The following EIF4E3 variants were observed in gnomAD, a reference collection of about 807,000 sequenced individuals.
EIF4E3 encodes the protein eukaryotic translation initiation factor 4E type 3.
Under a neutral mutation model 31.7 loss-of-function variants are expected in EIF4E3, and 26 were observed. That is an observed-to-expected ratio of 0.82 (90% CI 0.60 to 1.14). EIF4E3 has a LOEUF of 1.14. EIF4E3 is among the 50% of genes most tolerant of loss of function. EIF4E3 has a pLI of 0.00. For missense variants in EIF4E3, 304 were observed against 270.9 expected (o/e 1.12, Z -0.86); for synonymous variants, 128 against 107.7 (o/e 1.19, Z -1.17).
chr3:71,729,685 A>G (rs1178895235), upstream of EIF4E3, among the ~76,000 whole-genome samples: 2 of 152,132 alleles, frequency 1.3e-5, no homozygotes, highest in African/African-American at 2.4e-5. Context: ...TCCACACTCA[A>G]TAAATATTTG....
Position 71,681,958 on chromosome 3 carries a change from A to T in EIF4E3, c.*2724T>A, listed in dbSNP as rs1381900521. ...AACAGCAATATTATATTAAATGTAC[A>T]TGTTTGCAGTAAATTACACCCTCAT... On this transcript the variant is annotated 3_prime_UTR_variant, in exon 7 of 7. Coordinates refer to ENST00000425534, the MANE Select transcript of EIF4E3 (RefSeq NM_001134651.2). 1.3e-5 allele frequency: 2 copies of T among 152,202 alleles called. No homozygotes were observed. Among genetic ancestry groups the T allele is most frequent in the African/African-American group, 4.8e-5 (2 of 41,432 alleles). The allele number at this position is 152,202 out of a possible 1,614,324, so 9.4% of individuals were successfully genotyped here.
At chr3:71,703,534 G>T (rs1339900638) in intron 2 of EIF4E3, among the ~76,000 whole-genome samples, 6 of 152,150 alleles carry the variant, frequency 3.9e-5, no homozygotes, top group Non-Finnish European at 1.5e-5. Flanking sequence ...AGTATGGTTA[G>T]ACCCATTAAT....
chr3:71,713,422 G>C (rs1381856926), intron 1 of EIF4E3, among the ~76,000 whole-genome samples: 1 of 151,994 alleles, frequency 6.6e-6, no homozygotes, highest in African/African-American at 2.4e-5. Flanking sequence ...CACCATTTTT[G>C]CTGAATCCCA....
At position 71,683,394 on chromosome 3, in the gene EIF4E3, A is replaced by C. The variant is rs1447649678; in HGVS notation, c.*1288T>G. 2 of 152,174 alleles carry C rather than the reference A, an allele frequency of 1.3e-5. No individual in the cohort carries two copies. The highest frequency in any genetic ancestry group is 4.8e-5 in the African/African-American group (2 of 41,418). The allele number at this position is 152,174 out of a possible 1,614,324, so 9.4% of individuals were successfully genotyped here. On this transcript the variant is annotated 3_prime_UTR_variant, in exon 7 of 7. Coordinates refer to ENST00000425534, the MANE Select transcript of EIF4E3 (RefSeq NM_001134651.2). ...CCGTGACTCCAAAGCCGACTGGGGG[A>C]AGTGTCTTCAGATGGCCCTGCCCTT... is the stretch of plus-strand genomic sequence containing the variant.
At chr3:71,697,651 T>C (rs1425058707) in intron 3 of EIF4E3, among the ~76,000 whole-genome samples, 1 of 152,084 alleles carries the variant, frequency 6.6e-6, no homozygotes. Context: ...TACATATGAA[T>C]GACAGCATGA....
rs182118050 is a variant in EIF4E3, at chr3:71,701,189, G to A, written c.250-1481C>T. ...TAAGACACAGGGCAACTGGTAAACA[G>A]AAATAGATTATACAAAAATAATAAA... On this transcript the variant is annotated intron_variant, in intron 2 of 6. Coordinates refer to ENST00000425534, the MANE Select transcript of EIF4E3 (RefSeq NM_001134651.2). Among the ~76,000 whole-genome samples the A allele has an allele frequency of 2.1e-4, 32 of 152,278 alleles. No homozygotes were observed. In the East Asian group the frequency reaches 3.7e-3, roughly 17 times the overall value.
At chr3:71,740,504 C>T (rs927600236) in intron 1 of EIF4E3, among the ~76,000 whole-genome samples, 24 of 152,180 alleles carry the variant, frequency 1.6e-4, no homozygotes, top group African/African-American at 5.1e-4. Context: ...GAGGCCAAGG[C>T]AGGTGGATCG....
intron 1 of EIF4E3, among the ~76,000 whole-genome samples, chr3:71,723,425 T>C (rs929335491): frequency 6.6e-6 from 1 of 152,248 alleles, no homozygotes; most frequent in Non-Finnish European, 1.5e-5. Context: ...GTGGCAATAA[T>C]GTATTTCATT....
upstream of EIF4E3, chr3:71,754,292 T>TGCG: frequency 8.7e-7 from 1 of 1,147,990 alleles, no homozygotes; most frequent in Non-Finnish European, 1.1e-6. The surrounding 1 kb of genome is among the most constrained non-coding windows in gnomAD (Gnocchi z 5.8). Flanking sequence ...CGGCGCGGCG[T>TGCG]GCGGCGGCCG....
At chr3:71,685,516 C>T (rs1361566087) in intron 6 of EIF4E3, among the ~76,000 whole-genome samples, 7 of 152,118 alleles carry the variant, frequency 4.6e-5, no homozygotes, top group African/African-American at 1.7e-4. Context: ...CGTGTGCCAC[C>T]ACGTCCAGCT....
intron 1 of EIF4E3, among the ~76,000 whole-genome samples, chr3:71,745,350 A>G (rs1374559131): frequency 6.6e-6 from 1 of 152,214 alleles, no homozygotes; most frequent in Non-Finnish European, 1.5e-5. Flanking sequence ...TCGTTGCATA[A>G]TAGGTAAACT....
chr3:71,705,053 A>G (rs1246165821), intron 2 of EIF4E3, among the ~76,000 whole-genome samples: 3 of 152,228 alleles, frequency 2.0e-5, no homozygotes, highest in African/African-American at 7.2e-5. Context: ...ACCTGGCTGC[A>G]GGTCCTTCTC....
At chr3:71,748,388 A>G (rs985488733) in intron 1 of EIF4E3, among the ~76,000 whole-genome samples, 1 of 152,272 alleles carries the variant, frequency 6.6e-6, no homozygotes, top group South Asian at 2.1e-4. Flanking sequence ...ATACTGAGGG[A>G]TGACTATAAT....
intron 1 of EIF4E3, among the ~76,000 whole-genome samples, chr3:71,717,733 C>G (rs954238471): frequency 1.3e-5 from 2 of 152,158 alleles, no homozygotes; most frequent in Non-Finnish European, 2.9e-5. Context: ...AATCCTGTTT[C>G]TGTTCTATAT....
intron 1 of EIF4E3, among the ~76,000 whole-genome samples, chr3:71,749,966 G>A (rs1050790459): frequency 6.6e-6 from 1 of 152,158 alleles, no homozygotes; most frequent in African/African-American, 2.4e-5. Context: ...GATAATGAAA[G>A]AAGTAGGCAT....
intron 4 of EIF4E3, among the ~76,000 whole-genome samples, chr3:71,694,547 C>T (rs1430630191): frequency 6.8e-6 from 1 of 147,922 alleles, no homozygotes; most frequent in African/African-American, 2.5e-5. Flanking sequence ...TGCCTCCTAC[C>T]AATGAGAAAT....
At chr3:71,685,828 C>T (rs1262080686) in intron 6 of EIF4E3, among the ~76,000 whole-genome samples, 1 of 152,206 alleles carries the variant, frequency 6.6e-6, no homozygotes, top group African/African-American at 2.4e-5. Context: ...TAACCATTAC[C>T]AGGAAGCAAC....
rs1332538498 is a variant in EIF4E3, at chr3:71,725,383, TGCAAGGCCGGCGGAC to T, written c.-31_-17del. On this transcript the variant is annotated 5_prime_UTR_variant, in exon 1 of 7. Transcript: ENST00000425534. This position sits in a 1 kb window ranked among gnomAD's most constrained non-coding sequence, Gnocchi z 6.1. ...GCAGCGCCATTTTCTCCGCCCCGCC[TGCAAGGCCGGCGGAC>T]GCGCGGACCGCGGGGCGAGCGCGGC... The T allele has an allele frequency of 7.0e-5, 68 of 973,236 alleles. No individual in the cohort carries two copies. Among genetic ancestry groups the T allele is most frequent in the Non-Finnish European group, 8.1e-5 (67 of 824,918 alleles). The allele number at this position is 973,236 out of a possible 1,614,324, so 60.3% of individuals were successfully genotyped here.
At chr3:71,709,707 C>T (rs1184327026) in intron 2 of EIF4E3, among the ~76,000 whole-genome samples, 1 of 152,066 alleles carries the variant, frequency 6.6e-6, no homozygotes, top group African/African-American at 2.4e-5. Flanking sequence ...TTGTGTTTTT[C>T]CAACTCCACC....
Sources: allele counts gnomAD v4.1 joint callset (sites outside exome capture counted in the v4.1 genomes callset), GRCh38; gene constraint gnomAD v4.1.1; non-coding constraint Gnocchi (gnomAD v3.1); transcripts MANE v1.5; gene names NCBI Gene and HGNC (gene_info 2026-07-23, HGNC 2026-07-21).